The following TBL1XR1 variants were observed in gnomAD, a reference collection of about 807,000 sequenced individuals.
TBL1XR1 encodes TBL1X/Y related 1.
In TBL1XR1, 5 loss-of-function variants were observed where a neutral mutation model predicts 66.9. That is an observed-to-expected ratio of 0.07 (90% CI 0.04 to 0.16). The LOEUF (loss-of-function observed/expected upper bound fraction) is 0.16, where lower values mean the gene tolerates loss of function less well. Among genes scored for constraint, TBL1XR1 ranks in the 10% least tolerant of loss-of-function variants. The pLI is 1.00. For missense variants in TBL1XR1, 238 were observed against 623.2 expected (o/e 0.38, Z 6.58); for synonymous variants, 210 against 206.0 (o/e 1.02, Z -0.17).
At chr3:177,084,767 A>C (rs1240484823) in intron 2 of TBL1XR1, among the ~76,000 whole-genome samples, 1 of 152,252 alleles carries the variant, frequency 6.6e-6, no homozygotes, top group Non-Finnish European at 1.5e-5. Flanking sequence ...TCAGGCAAAG[A>C]TCCGTCAATA....
chr3:177,094,782 T>C (rs993854523), intron 2 of TBL1XR1, among the ~76,000 whole-genome samples: 1 of 151,494 alleles, frequency 6.6e-6, no homozygotes, highest in Admixed American at 6.6e-5. Context: ...GAGGATGCAA[T>C]AGCATAAGAA....
intron 2 of TBL1XR1, among the ~76,000 whole-genome samples, chr3:177,085,386 T>G (rs1721992055): frequency 2.0e-5 from 3 of 152,228 alleles, no homozygotes; most frequent in Admixed American, 2.0e-4. Flanking sequence ...CTTGGGAGTC[T>G]GAGCCTATCA....
At chr3:177,052,260 T>G (rs1263602678) in intron 4 of TBL1XR1, among the ~76,000 whole-genome samples, 1 of 152,214 alleles carries the variant, frequency 6.6e-6, no homozygotes, top group Non-Finnish European at 1.5e-5. Context: ...CTCTACTTAT[T>G]GATATTAGGA....
At position 177,177,942 on chromosome 3, in the gene TBL1XR1, G is replaced by A. The variant is rs1734350957; in HGVS notation, c.-122+19179C>T. 2.0e-5 allele frequency among the ~76,000 whole-genome samples: 3 copies of A among 152,192 alleles called. No individual in the cohort carries two copies. In the South Asian group the frequency reaches 6.2e-4, roughly 32 times the overall value. ...ACTGCAACGTGGAGAATAAGGGTCT[G>A]ATGGCTGAAAACTGCCGCGGGTGGG... On this transcript the variant is annotated intron_variant, in intron 1 of 15. Coordinates refer to ENST00000457928, the MANE Select transcript of TBL1XR1 (RefSeq NM_024665.7).
At chr3:177,135,848 A>T (rs1264755120) in intron 1 of TBL1XR1, among the ~76,000 whole-genome samples, 2 of 151,054 alleles carry the variant, frequency 1.3e-5, no homozygotes, top group Non-Finnish European at 3.0e-5. Context: ...TTTTTTTTTT[A>T]AACCATGTAA....
At chr3:177,184,186 A>G (rs756306477) in intron 1 of TBL1XR1, among the ~76,000 whole-genome samples, 3 of 152,234 alleles carry the variant, frequency 2.0e-5, no homozygotes, top group Non-Finnish European at 4.4e-5. Flanking sequence ...ACACAATTGC[A>G]AATGACACCA....
In TBL1XR1 at chr3:177,098,779, A is replaced by G. The variant is rs1297832734; in HGVS notation, c.-121-238T>C. On this transcript the variant is annotated intron_variant, in intron 1 of 15. Transcript: ENST00000457928. ...ACAGTGAACAAAATGAGACTCAAAG[A>G]GATTCATCTGCACACAAGTGGTCTC... 2.0e-5 allele frequency among the ~76,000 whole-genome samples: 3 copies of G among 152,200 alleles called. No individual in the cohort carries two copies. In the South Asian group the frequency reaches 6.2e-4, roughly 31 times the overall value.
At chr3:177,177,920 G>A (rs1320246855) in intron 1 of TBL1XR1, among the ~76,000 whole-genome samples, 1 of 152,124 alleles carries the variant, frequency 6.6e-6, no homozygotes, top group African/African-American at 2.4e-5. Flanking sequence ...AGACAAAACT[G>A]CAACGTGGAG....
At position 177,069,802 on chromosome 3, in the gene TBL1XR1, AAGGAAGG is replaced by A. The variant is rs1560138987; in HGVS notation, c.-45-4787_-45-4781del. On this transcript the variant is annotated intron_variant, in intron 2 of 15. Transcript: ENST00000457928. Reference sequence around the variant, plus strand: ...GGAAGGAAAAGGAAGGAAAGGAAGGAAGGAAGGAAGGAAGGAAGGAAGGAAGGAAGGA... The same window carrying A: ...GGAAGGAAAAGGAAGGAAAGGAAGGAAAGGAAGGAAGGAAGGAAGGAAGGA... Among the ~76,000 whole-genome samples the A allele has an allele frequency of 2.7e-3, 178 of 64,878 alleles. 2 individuals are homozygous for A. Among genetic ancestry groups the A allele is most frequent in the East Asian group, 0.018 (20 of 1,122 alleles). 42.6% of individuals were successfully genotyped at this position (64,878 alleles called of 152,430 possible). A position where few individuals can be genotyped will look rare whatever the true frequency, so the allele number is the denominator to read the frequency against.
At chr3:177,106,199 T>C (rs1381625425) in intron 1 of TBL1XR1, among the ~76,000 whole-genome samples, 1 of 152,004 alleles carries the variant, frequency 6.6e-6, no homozygotes, top group Admixed American at 6.6e-5. Flanking sequence ...CAAATGAGCC[T>C]CAGCTATGTG....
chr3:177,029,029 A>G (rs1183828078), intron 14 of TBL1XR1, among the ~76,000 whole-genome samples: 1 of 152,168 alleles, frequency 6.6e-6, no homozygotes, highest in Non-Finnish European at 1.5e-5. Context: ...AAGGGGCTAA[A>G]AAAATAAATG....
rs181580344 is a variant in TBL1XR1, at chr3:177,071,796, T to A, written c.-45-6774A>T. On this transcript the variant is annotated intron_variant, in intron 2 of 15. Transcript: ENST00000457928. ...GAAAAGTATATGGAGTAAAGATAAC[T>A]GACATAAATTGGAGAAGGCTTCCAA... Among the ~76,000 whole-genome samples, 176 of 152,222 alleles carry A rather than the reference T, an allele frequency of 1.2e-3. 1 individual carries two copies. The highest frequency in any genetic ancestry group is 3.9e-4 in the East Asian group (2 of 5,174).
chr3:177,081,932 T>C (rs1721450223), intron 2 of TBL1XR1, among the ~76,000 whole-genome samples: 1 of 152,138 alleles, frequency 6.6e-6, no homozygotes, highest in Non-Finnish European at 1.5e-5. Flanking sequence ...ACACTGGTAC[T>C]AAAATTAGAA....
intron 2 of TBL1XR1, among the ~76,000 whole-genome samples, chr3:177,090,027 T>A (rs776128743): frequency 4.6e-5 from 7 of 152,190 alleles, no homozygotes; most frequent in Non-Finnish European, 8.8e-5. Flanking sequence ...GATGGCATAA[T>A]GCTTTACAGA....
intron 1 of TBL1XR1, among the ~76,000 whole-genome samples, chr3:177,107,498 G>A (rs973088473): frequency 6.6e-6 from 1 of 152,174 alleles, no homozygotes; most frequent in African/African-American, 2.4e-5. Context: ...AAGGTTGTAT[G>A]GGGGTTTTTT....
chr3:177,198,568 T>G (rs1380974015), upstream of TBL1XR1, among the ~76,000 whole-genome samples: 1 of 152,190 alleles, frequency 6.6e-6, no homozygotes, highest in East Asian at 1.9e-4. Context: ...TCACAGGTTT[T>G]AAAGCAAATG....
At chr3:177,144,684 C>T (rs1004201224) in intron 1 of TBL1XR1, among the ~76,000 whole-genome samples, 1 of 151,714 alleles carries the variant, frequency 6.6e-6, no homozygotes, top group Non-Finnish European at 1.5e-5. Flanking sequence ...ACCCAGGAGG[C>T]GGAGCTTGCA....
rs1723351833 is a variant in TBL1XR1, at chr3:177,095,446, C to T, written c.-46+3020G>A. On this transcript the variant is annotated intron_variant, in intron 2 of 15. Coordinates refer to ENST00000457928, the MANE Select transcript of TBL1XR1 (RefSeq NM_024665.7). Reference sequence around the variant, plus strand: ...TAATTACAAAAAAGTATTTATGAAACATTTTATACAGGAAAGCAGCTATAA... The same window carrying T: ...TAATTACAAAAAAGTATTTATGAAATATTTTATACAGGAAAGCAGCTATAA... Among the ~76,000 whole-genome samples the T allele has an allele frequency of 2.0e-5, 3 of 151,252 alleles. No individual in the cohort carries two copies. In the South Asian group the frequency reaches 6.3e-4, roughly 32 times the overall value.
At chr3:177,113,813 T>A (rs1725950164) in intron 1 of TBL1XR1, among the ~76,000 whole-genome samples, 1 of 152,154 alleles carries the variant, frequency 6.6e-6, no homozygotes, top group Non-Finnish European at 1.5e-5. Context: ...AATGAAATAT[T>A]ATCTCACCCC....
Sources: allele counts gnomAD v4.1 joint callset (sites outside exome capture counted in the v4.1 genomes callset), GRCh38; gene constraint gnomAD v4.1.1; transcripts MANE v1.5; gene names NCBI Gene and HGNC (gene_info 2026-07-23, HGNC 2026-07-21).